Variants in TOMM20 observed in about 807,000 individuals in gnomAD.
TOMM20 encodes the protein mitochondrial import receptor subunit TOM20 homolog.
A neutral mutation model predicts 22.1 loss-of-function variants in TOMM20; 10 were observed. The ratio of observed to expected loss-of-function variants is 0.45; its 90% CI spans 0.28 to 0.77. The LOEUF (loss-of-function observed/expected upper bound fraction) is 0.77, where lower values mean the gene tolerates loss of function less well. TOMM20 is among the 30% of genes least tolerant of loss of function. The pLI is 0.13. For missense variants in TOMM20, 121 were observed against 172.2 expected, an observed-to-expected ratio of 0.70 and a Z score of 1.66; for synonymous variants, 55 against 61.4, an observed-to-expected ratio of 0.90 and a Z score of 0.49.
intron 3 of TOMM20, among the ~76,000 whole-genome samples, 169 bp from the exon 4 acceptor site, chr1:235,114,079 T>C (rs899445968): frequency 6.6e-6 from 1 of 152,180 alleles, no homozygotes; most frequent in African/African-American, 2.4e-5. Context: ...CTAACAAGAA[T>C]GAGTCAGATT....
rs869235889 is a variant in TOMM20, at chr1:235,117,134, CAAAAAAAAAAAAAAAA to C, written c.250+2668_250+2683del. 1.5e-3 allele frequency among the ~76,000 whole-genome samples: 47 copies of C among 30,392 alleles called. No individual in the cohort carries two copies. In the South Asian group the frequency reaches 0.017, roughly 11 times the overall value. 19.9% of individuals were successfully genotyped at this position (30,392 alleles called of 152,430 possible). A position where few individuals can be genotyped will look rare whatever the true frequency, so the allele number is the denominator to read the frequency against. Reference sequence around the variant, plus strand: ...TGGGCGACAGAGCGAGACTCCATCTCAAAAAAAAAAAAAAAAAAAAAAAAAAAAAAAGAGTAAGAAT... The same window carrying C: ...TGGGCGACAGAGCGAGACTCCATCTCAAAAAAAAAAAAAAAGAGTAAGAAT... On this transcript the variant is annotated intron_variant, in intron 3 of 4. Coordinates refer to ENST00000366607, the MANE Select transcript of TOMM20 (RefSeq NM_014765.3).
In TOMM20 at chr1:235,116,910, C is replaced by T. The variant is rs113468525; in HGVS notation, c.250+2908G>A. 3.2e-3 allele frequency among the ~76,000 whole-genome samples: 488 copies of T among 150,308 alleles called. 2 individuals are homozygous for T. Among genetic ancestry groups the T allele is most frequent in the African/African-American group, 0.01 (425 of 40,920 alleles). On this transcript the variant is annotated intron_variant, in intron 3 of 4. Transcript: ENST00000366607. ...CAGCACTTTGGGAGGCCAAGGCGGG[C>T]GGATCACAAGGTCAGGAGATCGAGA...
chr1:235,117,475 C>A (rs9428670), intron 3 of TOMM20, among the ~76,000 whole-genome samples: 36,507 of 135,562 alleles, frequency 0.27, 5,642 homozygotes, highest in South Asian at 0.55. Context: ...TCAAAAAAAA[C>A]AAAAAAAAAA....
At chr1:235,115,861 C>T (rs967919485) in intron 3 of TOMM20, among the ~76,000 whole-genome samples, 3 of 151,878 alleles carry the variant, frequency 2.0e-5, no homozygotes, top group African/African-American at 7.3e-5. Flanking sequence ...GTTTACTGCC[C>T]ATTATAAAAA....
intron 3 of TOMM20, chr1:235,119,490 A>T (rs1660894030): frequency 5.6e-6 from 1 of 178,104 alleles, no homozygotes; most frequent in African/African-American, 2.4e-5. Context: ...TACATATCGC[A>T]CTATGGCTAT....
At chr1:235,128,165 T>C (rs1252030676) in intron 1 of TOMM20, among the ~76,000 whole-genome samples, 1 of 151,936 alleles carries the variant, frequency 6.6e-6, no homozygotes, top group African/African-American at 2.4e-5. Flanking sequence ...CAGAGCGAGA[T>C]TCCGTCTCAA....
intron 1 of TOMM20, chr1:235,127,994 G>A: frequency 4.3e-6 from 2 of 460,478 alleles, no homozygotes; most frequent in Non-Finnish European, 8.6e-6. Flanking sequence ...TGACCAACAC[G>A]GTGAAACCCC....
intron 1 of TOMM20, among the ~76,000 whole-genome samples, chr1:235,127,136 A>ATTTT (rs1474347553): frequency 6.6e-6 from 1 of 152,240 alleles, no homozygotes; most frequent in East Asian, 1.9e-4. Context: ...ATTTGTACCA[A>ATTTT]AGCCCCCAGC....
In TOMM20 at chr1:235,113,874, G is replaced by C. The variant is rs1660782934; in HGVS notation, c.287C>G (p.Ala96Gly). The change falls in exon 4 of 5, where the codon GCA (alanine) becomes GGA (glycine). Residue 96 changes from alanine to glycine, a missense_variant. Ala to Gly is a moderately conservative substitution (Grantham distance 60, BLOSUM62 0). Transcript: ENST00000366607. ...YEKGVDHLTN[A>G]IAVCGQPQQL... is the part of the protein sequence containing the mutation. ...CTGTGGCTGTCCACACACAGCAATTGCATTTGTCAGATGGTCTACGCCCTT... is the reference window on the plus strand; with the variant it reads ...CTGTGGCTGTCCACACACAGCAATTCCATTTGTCAGATGGTCTACGCCCTT... 3.1e-6 allele frequency: 5 copies of C among 1,612,692 alleles called. No individual in the cohort carries two copies. The highest frequency in any genetic ancestry group is 4.2e-6 in the Non-Finnish European group (5 of 1,179,332).
chr1:235,113,894 G>T lies in TOMM20; in HGVS notation c.267C>A (p.Gly89=). Residue 89 remains glycine (G), a synonymous_variant, in exon 4 of 5, where the codon GGC becomes GGA. Coordinates refer to ENST00000366607, the MANE Select transcript of TOMM20 (RefSeq NM_014765.3). ...ELLAQGEYEK[G]VDHLTNAIAV... ...CAATTGCATTTGTCAGATGGTCTACGCCCTTCTCATATTCACCTGTAAGAT... is the reference window on the plus strand; with the variant it reads ...CAATTGCATTTGTCAGATGGTCTACTCCCTTCTCATATTCACCTGTAAGAT... 6.3e-7 allele frequency: 1 copy of T among 1,593,020 alleles called. No individual in the cohort carries two copies. The highest frequency in any genetic ancestry group is 1.1e-5 in the South Asian group (1 of 88,228).
intron 3 of TOMM20, among the ~76,000 whole-genome samples, chr1:235,116,159 C>T (rs1367957217): frequency 6.6e-6 from 1 of 152,166 alleles, no homozygotes; most frequent in East Asian, 1.9e-4. Flanking sequence ...GTAATCCCAG[C>T]ACTTAGGGAG....
Position 235,111,790 on chromosome 1 carries a change from T to C in TOMM20, c.*274A>G. The C allele has an allele frequency of 2.8e-6, 1 of 356,310 alleles. No homozygotes were observed. Among genetic ancestry groups the C allele is most frequent in the Non-Finnish European group, 5.1e-6 (1 of 196,698 alleles). The allele number at this position is 356,310 out of a possible 1,614,324, so 22.1% of individuals were successfully genotyped here. ...AGCCATGTCATATGTACAGTTTAAC[T>C]ATGTAACTATGTTTCAGGAATAAAC... On this transcript the variant is annotated 3_prime_UTR_variant, in exon 5 of 5. Coordinates refer to ENST00000366607, the MANE Select transcript of TOMM20 (RefSeq NM_014765.3).
chr1:235,114,500 G>A (rs961171500), intron 3 of TOMM20, among the ~76,000 whole-genome samples: 9 of 144,756 alleles, frequency 6.2e-5, no homozygotes, highest in Non-Finnish European at 1.0e-4. Context: ...GCAGTGGCAC[G>A]ATCTCGGCTC....
intron 3 of TOMM20, among the ~76,000 whole-genome samples, chr1:235,118,117 G>A (rs1660865182): frequency 7.4e-6 from 1 of 135,396 alleles, no homozygotes; most frequent in Admixed American, 7.5e-5. Flanking sequence ...GTTGATTACT[G>A]TATCTGCAGA....
At position 235,111,878 on chromosome 1, in the gene TOMM20, TAC is replaced by T. The variant is rs1660743735; in HGVS notation, c.*184_*185del. 1 of 600,638 alleles carries T rather than the reference TAC, an allele frequency of 1.7e-6. No individual in the cohort carries two copies. The highest frequency in any genetic ancestry group is 3.0e-6 in the Non-Finnish European group (1 of 336,930). 37.2% of individuals were successfully genotyped at this position (600,638 alleles called of 1,614,324 possible). Reference sequence around the variant, plus strand: ...TAGAATGAAAAGTTCTCTATCAAAATACACTTTTCACTGGGAAAAATAAATAA... The same window carrying T: ...TAGAATGAAAAGTTCTCTATCAAAATACTTTTCACTGGGAAAAATAAATAA... On this transcript the variant is annotated 3_prime_UTR_variant, in exon 5 of 5. Coordinates refer to ENST00000366607, the MANE Select transcript of TOMM20 (RefSeq NM_014765.3).
At chr1:235,119,968 A>C in intron 2 of TOMM20, 69 bp from the exon 3 acceptor site, 4 of 973,466 alleles carry the variant, frequency 4.1e-6, no homozygotes, top group Non-Finnish European at 6.0e-6. Context: ...CACAGATATC[A>C]ATAAAAATAA....
chr1:235,115,590 G>A (rs1298994777), intron 3 of TOMM20, among the ~76,000 whole-genome samples: 3 of 152,150 alleles, frequency 2.0e-5, no homozygotes, highest in Non-Finnish European at 4.4e-5. Flanking sequence ...TCGCACCACT[G>A]CACTCCAGCC....
chr1:235,118,990 C>T (rs138468917), intron 3 of TOMM20, among the ~76,000 whole-genome samples: 2,120 of 152,264 alleles, frequency 0.014, 28 homozygotes, highest in Non-Finnish European at 0.021. Context: ...TAAACTCTCC[C>T]CATAAAAGAA....
chr1:235,112,482 C>T (rs993326878), intron 4 of TOMM20, among the ~76,000 whole-genome samples: 1 of 152,168 alleles, frequency 6.6e-6, no homozygotes, highest in African/African-American at 2.4e-5. Context: ...GCTGGAACCA[C>T]AGACTCATGC....
Sources: gnomAD v4.1 joint callset for allele counts (sites outside exome capture counted in the v4.1 genomes callset) on GRCh38, gnomAD v4.1.1 for gene constraint, MANE v1.5 for transcripts, NCBI Gene and HGNC (gene_info 2026-07-23, HGNC 2026-07-21) for gene names.